USP3: variants seen among roughly 807,000 people sequenced by gnomAD.
USP3 encodes ubiquitin specific peptidase 3.
A neutral mutation model predicts 72.3 loss-of-function variants in USP3; 20 were observed. The observed-to-expected ratio is 0.28, with a 90% CI of 0.19 to 0.40. USP3 has a LOEUF of 0.40. Among genes scored for constraint, USP3 ranks in the 10% least tolerant of loss-of-function variants. The probability of loss-of-function intolerance (pLI) is 1.00; values close to 1 mark genes in which losing one functional copy is unlikely to be tolerated. For synonymous variants in USP3, 222 were observed against 225.3 expected, an observed-to-expected ratio of 0.99 and a Z score of 0.13; for missense variants, 479 against 633.9, an observed-to-expected ratio of 0.76 and a Z score of 2.62.
intron 8 of USP3, among the ~76,000 whole-genome samples, chr15:63,567,599 G>A (rs1047053260): frequency 6.6e-6 from 1 of 152,110 alleles, no homozygotes; most frequent in Non-Finnish European, 1.5e-5. Context: ...GCCTGCCTCA[G>A]CCTCCCAAAG....
chr15:63,581,346 TG>T (rs1447970253), intron 11 of USP3, among the ~76,000 whole-genome samples: 45 of 1,760 alleles, frequency 0.026, no homozygotes, highest in Admixed American at 0.057. Context: ...TGTTGGTTTT[TG>T]TGTGTGTGTG....
chr15:63,590,666 G>A lies in USP3; in HGVS notation c.1403G>A (p.Gly468Asp), dbSNP rs771127573. The A allele has an allele frequency of 6.2e-7, 1 of 1,600,222 alleles. No individual in the cohort carries two copies. The change falls in exon 15 of 15, where the codon GGT (glycine) becomes GAT (aspartate). Residue 468 changes from glycine to aspartate, a missense_variant. By Grantham distance (94) the Gly-to-Asp change is moderately conservative (BLOSUM62 -1). Coordinates refer to ENST00000380324, the MANE Select transcript of USP3 (RefSeq NM_006537.4). ...TTGGTCTTTTGCCTTTACAGGGTTGGTTCTGGACATTACACAGCATACGCA... is the reference window on the plus strand; with the variant it reads ...TTGGTCTTTTGCCTTTACAGGGTTGATTCTGGACATTACACAGCATACGCA... ...AVVVHHGSGV[G>D]SGHYTAYATH...
At position 63,532,650 on chromosome 15, in the gene USP3, G is replaced by A; in HGVS notation, c.95G>A (p.Cys32Tyr). ...GSPSSWCCSV[C>Y]RSNKSPWVCL... is the part of the protein sequence containing the mutation. ...TGTGTATTTTTCTTTTTATTAGTGT[G>A]CCGGTCCAACAAAAGCCCTTGGGTC... Residue 32 changes from cysteine to tyrosine, a missense_variant, in exon 2 of 15, where the codon TGC (cysteine) becomes TAC (tyrosine). Physicochemically the swap from Cys to Tyr is radical, Grantham distance 194 (BLOSUM62 -2). Transcript: ENST00000380324. The A allele has an allele frequency of 6.2e-7, 1 of 1,614,002 alleles. No homozygotes were observed. The highest frequency in any genetic ancestry group is 1.7e-5 in the Admixed American group (1 of 60,012).
intron 1 of USP3, among the ~76,000 whole-genome samples, chr15:63,523,755 G>A (rs972907984): frequency 6.6e-6 from 1 of 152,172 alleles, no homozygotes; most frequent in African/African-American, 2.4e-5. Context: ...TGCTGGCTGA[G>A]GAATATGTCA....
rs906096470 is a variant in USP3, at chr15:63,593,358, T to C, written c.*2532T>C. On this transcript the variant is annotated 3_prime_UTR_variant, in exon 15 of 15. Coordinates refer to ENST00000380324, the MANE Select transcript of USP3 (RefSeq NM_006537.4). ...AGTATCTCCTATGAATCCGGGCTCT[T>C]TTGCTTAGAAGGTAGACAGCTGTAA... is the stretch of plus-strand genomic sequence containing the variant. 5 of 152,228 alleles carry C rather than the reference T, an allele frequency of 3.3e-5. No individual in the cohort carries two copies. The highest frequency in any genetic ancestry group is 5.9e-5 in the Non-Finnish European group (4 of 68,050). The allele number at this position is 152,228 out of a possible 1,614,324, so 9.4% of individuals were successfully genotyped here.
rs16947250 is a variant in USP3 at position 63,536,175 on chromosome 15, T to C, written c.153-850T>C. Among the ~76,000 whole-genome samples the C allele has an allele frequency of 6.8e-3, 1,029 of 152,326 alleles. 14 individuals are homozygous for C. The highest frequency in any genetic ancestry group is 0.024 in the African/African-American group (989 of 41,590). On this transcript the variant is annotated intron_variant, in intron 2 of 14. Transcript: ENST00000380324. ...GATTATCTTTGTCCATGTAGAGAAA[T>C]AGCAGTTTTTGTAAGCTTAAGGTGA...
chr15:63,536,535 G>C (rs2066159596), intron 2 of USP3, among the ~76,000 whole-genome samples: 1 of 151,996 alleles, frequency 6.6e-6, no homozygotes, highest in Admixed American at 6.6e-5. Flanking sequence ...AATTTGCATA[G>C]ATTATGCCTT....
intron 1 of USP3, among the ~76,000 whole-genome samples, chr15:63,505,649 C>T (rs1352841009): frequency 6.6e-6 from 1 of 152,174 alleles, no homozygotes; most frequent in Non-Finnish European, 1.5e-5. Context: ...CTCCTGCTGG[C>T]CCCCTTGGAA....
At chr15:63,542,567 G>C (rs956551679) in intron 3 of USP3, among the ~76,000 whole-genome samples, 9 of 151,926 alleles carry the variant, frequency 5.9e-5, no homozygotes, top group African/African-American at 2.2e-4. Context: ...TTTCACCTGA[G>C]TTCTATGAAC....
chr15:63,570,611 G>A lies in USP3; in HGVS notation c.908+32G>A, dbSNP rs2066764014. The A allele has an allele frequency of 6.3e-7, 1 of 1,587,336 alleles. No individual in the cohort carries two copies. Among genetic ancestry groups the A allele is most frequent in the Non-Finnish European group, 8.6e-7 (1 of 1,166,580 alleles). On this transcript the variant is annotated intron_variant, in intron 9 of 14. Transcript: ENST00000380324. The surrounding 1 kb of genome is among the most constrained non-coding windows in gnomAD (Gnocchi z 4.4). ...TTTAGTTGCCTTCTGTTTTTTAGGA[G>A]GGCCTCAGACATTTCTTTTGGTGTT...
intron 1 of USP3, among the ~76,000 whole-genome samples, chr15:63,531,582 G>T (rs1214717828): frequency 6.6e-6 from 1 of 152,166 alleles, no homozygotes; most frequent in East Asian, 1.9e-4. Context: ...TCCAGTTTCG[G>T]TTAATTTTTT....
chr15:63,580,674 T>TATATATA (rs1566917047), intron 11 of USP3, among the ~76,000 whole-genome samples: 3 of 131,154 alleles, frequency 2.3e-5, no homozygotes, highest in Non-Finnish European at 4.7e-5. Context: ...TATATATGAA[T>TATATATA]ATATAATATA....
At chr15:63,581,345 T>TTGTGTGTGTG (rs59188081) in intron 11 of USP3, among the ~76,000 whole-genome samples, 37 of 130,180 alleles carry the variant, frequency 2.8e-4, no homozygotes, top group East Asian at 5.2e-4. Flanking sequence ...GTGTTGGTTT[T>TTGTGTGTGTG]TGTGTGTGTG....
chr15:63,504,828 GC>G lies in USP3; in HGVS notation c.90del (p.Ser30ArgfsTer13). 6.2e-7 allele frequency: 1 copy of G among 1,605,180 alleles called. No homozygotes were observed. The highest frequency in any genetic ancestry group is 1.1e-5 in the South Asian group (1 of 90,078). ...GGCTCCCCGTCGTCCTGGTGCTGCA[GC>G]GGTGAGTGCGGCCACGGGCCGGCCC... ...PNGSPSSWCC[S>X]VCRSNKSPWV... On this transcript the variant is annotated frameshift_variant and splice_region_variant, in exon 1 of 15. Coordinates refer to ENST00000380324, the MANE Select transcript of USP3 (RefSeq NM_006537.4). LOFTEE classifies it high-confidence loss of function.
chr15:63,578,149 G>A (rs2066895582), intron 11 of USP3, among the ~76,000 whole-genome samples: 1 of 151,904 alleles, frequency 6.6e-6, no homozygotes, highest in Admixed American at 6.6e-5. Context: ...GGTGGCATGT[G>A]CCTGTAGTCC....
chr15:63,514,911 G>T (rs952010179), intron 1 of USP3, among the ~76,000 whole-genome samples: 1 of 152,198 alleles, frequency 6.6e-6, no homozygotes, highest in Non-Finnish European at 1.5e-5. Flanking sequence ...AGATCTTGCT[G>T]TATTAAATAA....
intron 2 of USP3, among the ~76,000 whole-genome samples, chr15:63,535,661 G>GA (rs35758816): frequency 2.0e-5 from 3 of 152,116 alleles, no homozygotes; most frequent in Non-Finnish European, 4.4e-5. Context: ...AAAGTACAGG[G>GA]AAAAAATGGA....
rs1770393833 is a variant in USP3, at chr15:63,529,043, T to C, written c.92-3604T>C. ...CAAATGTTTATCTGGTGTGACTGTA[T>C]TATGCCCTCAGAGAGTACTGTATGT... On this transcript the variant is annotated intron_variant, in intron 1 of 14. Coordinates refer to ENST00000380324, the MANE Select transcript of USP3 (RefSeq NM_006537.4). The surrounding 1 kb of genome is among the most constrained non-coding windows in gnomAD (Gnocchi z 4.2). 1.6e-6 allele frequency: 2 copies of C among 1,288,998 alleles called. No homozygotes were observed. The highest frequency in any genetic ancestry group is 2.0e-6 in the Non-Finnish European group (2 of 988,656). The allele number at this position is 1,288,998 out of a possible 1,614,324, so 79.8% of individuals were successfully genotyped here. A position where few individuals can be genotyped will look rare whatever the true frequency, so the allele number is the denominator to read the frequency against.
At chr15:63,556,106 A>ATT (rs2066503444) in intron 4 of USP3, among the ~76,000 whole-genome samples, 2 of 152,204 alleles carry the variant, frequency 1.3e-5, no homozygotes, top group Non-Finnish European at 2.9e-5. Flanking sequence ...TTTCCTCACT[A>ATT]ATAAGGATGT....
Sources: gnomAD v4.1 joint callset for allele counts (sites outside exome capture counted in the v4.1 genomes callset) on GRCh38, gnomAD v4.1.1 for gene constraint, Gnocchi (gnomAD v3.1) non-coding constraint, MANE v1.5 for transcripts, NCBI Gene and HGNC (gene_info 2026-07-23, HGNC 2026-07-21) for gene names.